TBCD: variants seen among roughly 807,000 people sequenced by gnomAD.
TBCD encodes tubulin folding cofactor D, also known as tubulin-specific chaperone D.
In TBCD, 105 loss-of-function variants were observed where a neutral mutation model predicts 169.3. The observed-to-expected ratio is 0.62, with a 90% confidence interval of 0.53 to 0.73. The LOEUF is 0.73. TBCD is among the 30% of genes least tolerant of loss of function. The probability of loss-of-function intolerance (pLI) is 0.00; values close to 1 mark genes in which losing one functional copy is unlikely to be tolerated. For missense variants in TBCD, 1,444 were observed against 1,600.1 expected (o/e 0.90, Z 1.66); for synonymous variants, 700 against 643.9 (o/e 1.09, Z -1.32).
chr17:82,792,766 T>C (rs147189388), intron 7 of TBCD, among the ~76,000 whole-genome samples: 50 of 152,362 alleles, frequency 3.3e-4, no homozygotes, highest in African/African-American at 1.2e-3. Context: ...TAGATGTGAT[T>C]ATTTCGATCA....
chr17:82,932,482 A>T (rs1372117972), intron 33 of TBCD, among the ~76,000 whole-genome samples, 176 bp from the exon 34 acceptor site: 5 of 152,194 alleles, frequency 3.3e-5, no homozygotes, highest in Non-Finnish European at 5.9e-5. Context: ...GTCAGCCTCC[A>T]GCCTTGTTTC....
intron 13 of TBCD, among the ~76,000 whole-genome samples, chr17:82,827,863 A>G (rs550470407): frequency 9.3e-6 from 1 of 107,212 alleles, no homozygotes; most frequent in African/African-American, 3.8e-5. Flanking sequence ...ATGCACACAC[A>G]CCCCCCCACA....
intron 13 of TBCD, among the ~76,000 whole-genome samples, chr17:82,839,687 G>A (rs1474698876): frequency 6.6e-6 from 1 of 152,200 alleles, no homozygotes; most frequent in Non-Finnish European, 1.5e-5. Flanking sequence ...GCAGAACAAG[G>A]AGTTAATTTC....
chr17:82,919,462 T>C (rs2147116341), intron 23 of TBCD, among the ~76,000 whole-genome samples: 1 of 152,284 alleles, frequency 6.6e-6, no homozygotes, highest in South Asian at 2.1e-4. Context: ...AGGTAAAAAG[T>C]TAATTAGTGT....
intron 13 of TBCD, among the ~76,000 whole-genome samples, chr17:82,861,661 C>T (rs1434464710): frequency 6.6e-6 from 1 of 152,154 alleles, no homozygotes; most frequent in African/African-American, 2.4e-5. Context: ...GAAGGTTTCC[C>T]TCTAAAGATG....
intron 13 of TBCD, among the ~76,000 whole-genome samples, chr17:82,826,953 T>TAG (rs2052902877): frequency 6.6e-6 from 1 of 152,152 alleles, no homozygotes; most frequent in Admixed American, 6.5e-5. Context: ...CTATTTTTAT[T>TAG]AGAGACGGTG....
chr17:82,829,035 A>C (rs964362527), intron 13 of TBCD, among the ~76,000 whole-genome samples: 6 of 142,898 alleles, frequency 4.2e-5, no homozygotes, highest in Admixed American at 3.5e-4. Context: ...GCACACACGC[A>C]CACCCACAGG....
intron 13 of TBCD, among the ~76,000 whole-genome samples, chr17:82,836,579 C>T (rs137925436): frequency 5.4e-4 from 82 of 152,028 alleles, no homozygotes; most frequent in African/African-American, 1.9e-3. Flanking sequence ...ATACCTCTAG[C>T]GCCTGAAACA....
chr17:82,912,327 G>C lies in TBCD; in HGVS notation c.2038+538G>C, dbSNP rs552867966. Among the ~76,000 whole-genome samples, 50 of 152,340 alleles carry C rather than the reference G, an allele frequency of 3.3e-4. No homozygotes were observed. The South Asian group carries it at 6.4e-3, about 20-fold the overall frequency. On this transcript the variant is annotated intron_variant, in intron 23 of 38. Transcript: ENST00000355528. ...GATTCCCAAGCCTCTGATACCCCCC[G>C]GGGGTTAGGACAGTCGGGCATTTTT...
intron 22 of TBCD, among the ~76,000 whole-genome samples, 197 bp from the exon 23 acceptor site, chr17:82,911,561 G>A (rs1243804321): frequency 6.6e-6 from 1 of 152,216 alleles, no homozygotes; most frequent in Non-Finnish European, 1.5e-5. Context: ...CCCCAGCTAG[G>A]ATGGGAGACC....
In TBCD at chr17:82,861,384, G is replaced by A. The variant is rs553497455; in HGVS notation, c.1319-8840G>A. Among the ~76,000 whole-genome samples the A allele has an allele frequency of 1.7e-4, 22 of 126,432 alleles. 1 individual carries two copies. In the South Asian group the frequency reaches 5.8e-3, roughly 33 times the overall value. The allele number at this position is 126,432 out of a possible 152,430, so 82.9% of individuals were successfully genotyped here. A position where few individuals can be genotyped will look rare whatever the true frequency, so the allele number is the denominator to read the frequency against. On this transcript the variant is annotated intron_variant, in intron 13 of 38. Coordinates refer to ENST00000355528, the MANE Select transcript of TBCD (RefSeq NM_005993.5). ...TGGTTCACGTCAGCTGCTGGTTCAC[G>A]TCAGCTGCTGGTGTTGAGTGTTCGC...
At chr17:82,839,051 C>T in intron 13 of TBCD, 9 of 877,738 alleles carry the variant, frequency 1.0e-5, no homozygotes, top group Non-Finnish European at 1.1e-5. Context: ...GTACAGAAGA[C>T]CTTAACAACC....
intron 11 of TBCD, among the ~76,000 whole-genome samples, chr17:82,808,987 C>T (rs1291656704): frequency 2.0e-5 from 3 of 151,762 alleles, no homozygotes; most frequent in Admixed American, 6.6e-5. Flanking sequence ...TGCTGGGGGA[C>T]GGGGAGGCTG....
intron 14 of TBCD, among the ~76,000 whole-genome samples, chr17:82,878,164 C>T (rs988958706): frequency 3.9e-5 from 6 of 152,214 alleles, no homozygotes; most frequent in African/African-American, 7.2e-5. Flanking sequence ...CTGGTCTGCC[C>T]GGGACCCCGC....
In TBCD at chr17:82,752,347, G is replaced by C; in HGVS notation, c.154G>C (p.Glu52Gln). 1.4e-6 allele frequency: 2 copies of C among 1,407,244 alleles called. No individual in the cohort carries two copies. The highest frequency in any genetic ancestry group is 1.8e-6 in the Non-Finnish European group (2 of 1,093,320). 87.2% of individuals were successfully genotyped at this position (1,407,244 alleles called of 1,614,324 possible). The change falls in exon 1 of 39, where the codon GAG becomes CAG. Residue 52 changes from glutamate to glutamine, a missense_variant. Transcript: ENST00000355528. ...RLREVHGGGA[E>Q]REVALERFRV... ...GCGGGAGGTGCACGGCGGCGGCGCG[G>C]AGCGCGAGGTGGCCCTGGAGCGGTT...
rs2053708485 is a variant in TBCD, at chr17:82,833,681, T to C, written c.1318+18747T>C. On this transcript the variant is annotated intron_variant, in intron 13 of 38. Transcript: ENST00000355528. The surrounding 1 kb of genome is among the most constrained non-coding windows in gnomAD (Gnocchi z 4.7). ...AAGAACCAAAGCTTTGCCACACTCCTGCCCGAGAGGAGACCAGAGTGAGTA... is the reference window on the plus strand; with the variant it reads ...AAGAACCAAAGCTTTGCCACACTCCCGCCCGAGAGGAGACCAGAGTGAGTA... Among the ~76,000 whole-genome samples, 1 of 152,186 alleles carries C rather than the reference T, an allele frequency of 6.6e-6. No individual in the cohort carries two copies. Among genetic ancestry groups the C allele is most frequent in the Non-Finnish European group, 1.5e-5 (1 of 68,036 alleles).
chr17:82,820,647 A>G (rs1202470654), intron 13 of TBCD, among the ~76,000 whole-genome samples: 1 of 148,882 alleles, frequency 6.7e-6, no homozygotes, highest in Non-Finnish European at 1.5e-5. Context: ...TAGGTTTTGC[A>G]CTCATTTCAG....
intron 5 of TBCD, among the ~76,000 whole-genome samples, chr17:82,769,895 AT>A (rs1412499459): frequency 2.1e-5 from 3 of 144,128 alleles, no homozygotes; most frequent in East Asian, 2.0e-4. Context: ...AAAAAAAAAA[AT>A]TTAACCTATA....
At chr17:82,916,514 GT>G (rs199992177) in intron 23 of TBCD, among the ~76,000 whole-genome samples, 4,143 of 145,432 alleles carry the variant, frequency 0.028, 167 homozygotes, top group African/African-American at 0.097. Context: ...CAAAGGTGCT[GT>G]TTTTTTTTTT....
Sources: allele counts gnomAD v4.1 joint callset (sites outside exome capture counted in the v4.1 genomes callset), GRCh38; gene constraint gnomAD v4.1.1; non-coding constraint Gnocchi (gnomAD v3.1); transcripts MANE v1.5; gene names NCBI Gene and HGNC (gene_info 2026-07-23, HGNC 2026-07-21).